Variants in MTUS2 observed in about 807,000 individuals in gnomAD.
MTUS2 encodes the protein microtubule associated scaffold protein 2.
Under a neutral mutation model 114.1 loss-of-function variants are expected in MTUS2, and 40 were observed. The ratio of observed to expected loss-of-function variants is 0.35; its 90% confidence interval spans 0.27 to 0.46. The LOEUF is 0.46. Among genes scored for constraint, MTUS2 ranks in the 20% least tolerant of loss-of-function variants. MTUS2 has a pLI of 1.00. For synonymous variants in MTUS2, 688 were observed against 672.0 expected, an observed-to-expected ratio of 1.02 and a Z score of -0.37; for missense variants, 1,679 against 1,705.4, an observed-to-expected ratio of 0.98 and a Z score of 0.27.
At chr13:29,468,466 C>G (rs939730012) in intron 9 of MTUS2, among the ~76,000 whole-genome samples, 2 of 152,092 alleles carry the variant, frequency 1.3e-5, no homozygotes, top group African/African-American at 2.4e-5. Flanking sequence ...GTAATCCCAG[C>G]TACTCAGGAG....
At chr13:29,461,937 T>A (rs1174058765) in intron 9 of MTUS2, among the ~76,000 whole-genome samples, 1 of 152,054 alleles carries the variant, frequency 6.6e-6, no homozygotes, top group Non-Finnish European at 1.5e-5. Flanking sequence ...GGGGGAGGGA[T>A]TCCAGGGGCT....
At chr13:28,830,886 CAAAA>C (rs540034453) in intron 1 of MTUS2, among the ~76,000 whole-genome samples, 2 of 151,796 alleles carry the variant, frequency 1.3e-5, no homozygotes, top group African/African-American at 4.8e-5. Context: ...TGCTGAAAGA[CAAAA>C]AAACTGTCAA....
chr13:29,234,605 A>G (rs951533205), intron 5 of MTUS2, among the ~76,000 whole-genome samples: 4 of 152,202 alleles, frequency 2.6e-5, no homozygotes, highest in African/African-American at 9.7e-5. Flanking sequence ...TTGTACAAAC[A>G]CTTAGAAAAA....
intron 1 of MTUS2, among the ~76,000 whole-genome samples, chr13:28,833,260 C>G (rs969332104): frequency 6.6e-6 from 1 of 152,020 alleles, no homozygotes; most frequent in African/African-American, 2.4e-5. Flanking sequence ...AAAGACATCA[C>G]AAGAAAAGTA....
At chr13:29,463,435 C>CT (rs1201918417) in intron 9 of MTUS2, among the ~76,000 whole-genome samples, 7 of 152,320 alleles carry the variant, frequency 4.6e-5, no homozygotes, top group African/African-American at 4.8e-5. Context: ...GAATAAGACA[C>CT]TTCTAGAAGG....
chr13:28,892,166 G>A (rs541751828), intron 2 of MTUS2, among the ~76,000 whole-genome samples: 1 of 152,226 alleles, frequency 6.6e-6, no homozygotes, highest in South Asian at 2.1e-4. Context: ...CTTGAGGGAT[G>A]GACTGTCTCC....
chr13:29,066,206 C>T (rs887563951), intron 4 of MTUS2, among the ~76,000 whole-genome samples: 1 of 152,230 alleles, frequency 6.6e-6, no homozygotes, highest in Non-Finnish European at 1.5e-5. Context: ...CCAGTGACCT[C>T]TTCTCAGCCA....
At chr13:29,250,452 C>T (rs545850289) in intron 5 of MTUS2, 1 of 151,756 alleles carries the variant, frequency 6.6e-6, no homozygotes, top group African/African-American at 2.4e-5. Context: ...CTTAATTCAT[C>T]TTTGGAAATA....
rs762558719 is a variant in MTUS2 at position 29,482,876 on chromosome 13, T to C, written c.3399+2512T>C. Among the ~76,000 whole-genome samples the C allele has an allele frequency of 3.9e-5, 6 of 152,248 alleles. No individual in the cohort carries two copies. The South Asian group carries it at 1.2e-3, about 31-fold the overall frequency. ...TTCAGGCCCCTGATTCTGCTCCTGC[T>C]GCAGAACGTTGGCTGTTTCCCCAGG... is the stretch of plus-strand genomic sequence containing the variant. On this transcript the variant is annotated intron_variant, in intron 10 of 15. Transcript: ENST00000612955.
intron 1 of MTUS2, among the ~76,000 whole-genome samples, chr13:28,832,924 T>C (rs2137957295): frequency 6.6e-6 from 1 of 151,824 alleles, no homozygotes; most frequent in African/African-American, 2.4e-5. Flanking sequence ...AGAAATAAAA[T>C]AAGAACATTT....
intron 5 of MTUS2, among the ~76,000 whole-genome samples, chr13:29,137,181 T>G (rs1207184516): frequency 1.3e-5 from 2 of 152,358 alleles, no homozygotes; most frequent in Middle Eastern, 3.4e-3. Flanking sequence ...ATCAACCCAC[T>G]GCCTTCTGGC....
intron 5 of MTUS2, among the ~76,000 whole-genome samples, chr13:29,214,177 ATTGTT>A (rs1488741539): frequency 1.9e-5 from 1 of 52,748 alleles, no homozygotes; most frequent in Non-Finnish European, 3.4e-5. Flanking sequence ...CCTATACTAC[ATTGTT>A]TTTTTTTTTT....
At chr13:29,466,876 C>CAAAAAA (rs11296600) in intron 9 of MTUS2, among the ~76,000 whole-genome samples, 29 of 87,542 alleles carry the variant, frequency 3.3e-4, no homozygotes, top group Non-Finnish European at 4.5e-4. Flanking sequence ...GACCTCATCT[C>CAAAAAA]AAAAAAAAAA....
chr13:29,464,085 C>T (rs1483323725), intron 9 of MTUS2, among the ~76,000 whole-genome samples: 1 of 152,218 alleles, frequency 6.6e-6, no homozygotes, highest in Non-Finnish European at 1.5e-5. Flanking sequence ...GAGGTCCTGG[C>T]TGCTGGCTGT....
rs7326680 is a variant in MTUS2, at chr13:28,822,588, T to G, written c.-316+1977T>G. ...AGATCGACTGGGGAGCTAATGAACCTAAGCCTCAGGTCCCTCCGTCACAGA... is the reference window on the plus strand; with the variant it reads ...AGATCGACTGGGGAGCTAATGAACCGAAGCCTCAGGTCCCTCCGTCACAGA... On this transcript the variant is annotated intron_variant, in intron 1 of 15. Transcript: ENST00000612955. 9.9e-4 allele frequency among the ~76,000 whole-genome samples: 151 copies of G among 152,304 alleles called. 1 individual carries two copies. Among genetic ancestry groups the G allele is most frequent in the African/African-American group, 3.5e-3 (146 of 41,570 alleles).
intron 9 of MTUS2, among the ~76,000 whole-genome samples, chr13:29,447,441 G>A (rs1878365058): frequency 6.6e-6 from 1 of 151,960 alleles, no homozygotes; most frequent in Non-Finnish European, 1.5e-5. Flanking sequence ...TGATTCATCT[G>A]TAGCTGATTG....
intron 4 of MTUS2, among the ~76,000 whole-genome samples, chr13:29,071,072 TC>T (rs1888900709): frequency 8.1e-6 from 1 of 124,040 alleles, no homozygotes; most frequent in South Asian, 3.2e-4. Flanking sequence ...TGGTGCTATC[TC>T]GGTTCACTGC....
chr13:29,030,696 C>A (rs1456923919), intron 3 of MTUS2, among the ~76,000 whole-genome samples: 1 of 151,958 alleles, frequency 6.6e-6, no homozygotes, highest in Non-Finnish European at 1.5e-5. Context: ...TAATGTGTTG[C>A]AATGGAAGTA....
intron 4 of MTUS2, among the ~76,000 whole-genome samples, chr13:29,058,002 A>G (rs932376577): frequency 1.3e-5 from 2 of 151,932 alleles, no homozygotes; most frequent in Non-Finnish European, 2.9e-5. Context: ...TTCCCTTTGC[A>G]TTTGCTTGCC....
Sources: gnomAD v4.1 joint callset for allele counts (sites outside exome capture counted in the v4.1 genomes callset) on GRCh38, gnomAD v4.1.1 for gene constraint, MANE v1.5 for transcripts, NCBI Gene and HGNC (gene_info 2026-07-23, HGNC 2026-07-21) for gene names.